Variants in SEMA4D observed in about 807,000 individuals in gnomAD.
SEMA4D encodes the protein semaphorin-4D.
Under a neutral mutation model 74.8 loss-of-function variants are expected in SEMA4D, and 22 were observed. That is an observed-to-expected ratio of 0.29 (90% CI 0.21 to 0.42). The LOEUF is 0.42. Among genes scored for constraint, SEMA4D ranks in the 10% least tolerant of loss-of-function variants. The pLI is 1.00. For synonymous variants in SEMA4D, 445 were observed against 463.7 expected (o/e 0.96, Z 0.52); for missense variants, 937 against 1,118.4 (o/e 0.84, Z 2.31).
Position 89,464,847 on chromosome 9 carries a change from G to A in SEMA4D, c.-309-8894C>T, listed in dbSNP as rs115995027. 3.9e-3 allele frequency among the ~76,000 whole-genome samples: 598 copies of A among 152,320 alleles called. 3 individuals are homozygous for A. The highest frequency in any genetic ancestry group is 0.013 in the African/African-American group (558 of 41,562). ...GGGGTGTGGGGGGAGGGTGCGGAGA[G>A]CACCCCCAGGGCGAGGGTCCTGCTC... is the stretch of plus-strand genomic sequence containing the variant. On this transcript the variant is annotated intron_variant, in intron 1 of 15. Transcript: ENST00000422704.
chr9:89,379,362 A>G lies in SEMA4D; in HGVS notation c.1931T>C (p.Leu644Pro). ...TVFQVVAKHV[L>P]EVKVVPKPVV... is the part of the protein sequence containing the mutation. ...GGGCTTTGGAACCACCTTCACTTCC[A>G]GGACGTGCTTGGCGACCACTTGGAA... Residue 644 changes from leucine (L) to proline (P), a missense_variant, in exon 16 of 16, where the codon CTG becomes CCG. Leu to Pro is a moderately conservative substitution (Grantham distance 98). Coordinates refer to ENST00000422704, the MANE Select transcript of SEMA4D (RefSeq NM_001371194.2). The G allele has an allele frequency of 6.2e-7, 1 of 1,614,214 alleles. No homozygotes were observed.
At chr9:89,491,458 T>C (rs1825617946) in intron 1 of SEMA4D, among the ~76,000 whole-genome samples, 1 of 152,098 alleles carries the variant, frequency 6.6e-6, no homozygotes, top group Non-Finnish European at 1.5e-5. Flanking sequence ...TAGTCCCAGC[T>C]ACTCAGGAGG....
chr9:89,418,887 TTTTG>T (rs1442116298), intron 2 of SEMA4D: 1 of 152,218 alleles, frequency 6.6e-6, no homozygotes, highest in Non-Finnish European at 1.5e-5. Flanking sequence ...AGGGTTTCTT[TTTTG>T]TTTGCCTTTT....
intron 16 of SEMA4D, chr9:89,365,525 A>G (rs992865731): frequency 6.6e-6 from 1 of 152,262 alleles, no homozygotes; most frequent in African/African-American, 2.4e-5. Context: ...CCTCGTAAGA[A>G]TTGGTCTTTA....
intron 2 of SEMA4D, among the ~76,000 whole-genome samples, chr9:89,415,613 G>C (rs1321777272): frequency 6.6e-6 from 1 of 152,218 alleles, no homozygotes; most frequent in Non-Finnish European, 1.5e-5. Context: ...AACCATGTGA[G>C]AAGACGCTGT....
At chr9:89,474,580 T>C (rs888039139) in intron 1 of SEMA4D, among the ~76,000 whole-genome samples, 1 of 152,226 alleles carries the variant, frequency 6.6e-6, no homozygotes, top group African/African-American at 2.4e-5. Flanking sequence ...GGGTGATTTT[T>C]GTTTTTTCAG....
At chr9:89,364,728 G>A (rs539163666) in intron 16 of SEMA4D, 88 of 152,824 alleles carry the variant, frequency 5.8e-4, no homozygotes, top group African/African-American at 2.1e-3. Flanking sequence ...GTTGCAACCT[G>A]CCAGGGTGGA....
intron 16 of SEMA4D, chr9:89,365,191 A>G (rs532960653): frequency 6.6e-6 from 1 of 152,572 alleles, no homozygotes; most frequent in East Asian, 1.9e-4. Context: ...CAGAGCGTAC[A>G]GACCCTGGAG....
chr9:89,433,172 G>A (rs1849632425), intron 2 of SEMA4D, among the ~76,000 whole-genome samples: 1 of 152,218 alleles, frequency 6.6e-6, no homozygotes, highest in Non-Finnish European at 1.5e-5. Context: ...TCTATAGCAG[G>A]CTGGAGCACG....
intron 2 of SEMA4D, among the ~76,000 whole-genome samples, chr9:89,446,202 T>C (rs1025724484): frequency 2.0e-5 from 3 of 152,120 alleles, no homozygotes; most frequent in South Asian, 2.1e-4. Context: ...CTCTAGCCTC[T>C]GTGCCCTCTG....
chr9:89,489,882 G>A (rs2136260201), intron 1 of SEMA4D, among the ~76,000 whole-genome samples: 1 of 152,178 alleles, frequency 6.6e-6, no homozygotes, highest in East Asian at 1.9e-4. Context: ...GGAGTGCTAG[G>A]TCATATGGTA....
At chr9:89,477,418 G>C (rs564004125) in intron 1 of SEMA4D, among the ~76,000 whole-genome samples, 4 of 152,256 alleles carry the variant, frequency 2.6e-5, no homozygotes, top group South Asian at 2.1e-4. Context: ...TCAATGCCTT[G>C]ACAAGAGTAA....
chr9:89,497,178 G>GT (rs907442372), intron 1 of SEMA4D, among the ~76,000 whole-genome samples: 11 of 152,286 alleles, frequency 7.2e-5, no homozygotes, highest in Admixed American at 2.0e-4. Flanking sequence ...TCCTTTACAC[G>GT]TTTTTACTGG....
chr9:89,459,281 G>A (rs563194422), intron 1 of SEMA4D, among the ~76,000 whole-genome samples: 2 of 152,300 alleles, frequency 1.3e-5, no homozygotes, highest in Admixed American at 1.3e-4. Flanking sequence ...TTTCTAATGG[G>A]CCCTCAGGTG....
intron 16 of SEMA4D, among the ~76,000 whole-genome samples, chr9:89,366,952 A>AAT (rs1833766906): frequency 6.6e-6 from 1 of 152,094 alleles, no homozygotes; most frequent in Admixed American, 6.6e-5. Context: ...TGGATTAATC[A>AAT]CCCAACGCCC....
chr9:89,374,440 G>A (rs4877076), downstream of SEMA4D, among the ~76,000 whole-genome samples: 8,466 of 152,262 alleles, frequency 0.056, 415 homozygotes, highest in East Asian at 0.15. Context: ...GCAGTGTGGC[G>A]GGCAGGGAGA....
At chr9:89,415,042 C>T (rs1018605364) in intron 2 of SEMA4D, among the ~76,000 whole-genome samples, 1 of 152,226 alleles carries the variant, frequency 6.6e-6, no homozygotes, top group African/African-American at 2.4e-5. Flanking sequence ...CGCAGAGTGG[C>T]GGCACGAACA....
intron 16 of SEMA4D, among the ~76,000 whole-genome samples, chr9:89,366,483 C>G (rs1240525213): frequency 6.6e-6 from 1 of 152,148 alleles, no homozygotes; most frequent in African/African-American, 2.4e-5. Context: ...TGGACAAGCC[C>G]TTGTGAACAG....
Position 89,450,382 on chromosome 9 carries a change from C to A in SEMA4D, c.-244+5506G>T, listed in dbSNP as rs906711020. On this transcript the variant is annotated intron_variant, in intron 2 of 15. Transcript: ENST00000422704. ...AGTGACATGAAAAGGCGTTTTGATG[C>A]CATGCCATTTACTTCAAGAGCATGT... 24 of 1,090,900 alleles carry A rather than the reference C, an allele frequency of 2.2e-5. No homozygotes were observed. The African/African-American group carries it at 3.2e-4, about 15-fold the overall frequency. The allele number at this position is 1,090,900 out of a possible 1,614,324, so 67.6% of individuals were successfully genotyped here.
Sources: gnomAD v4.1 joint callset for allele counts (sites outside exome capture counted in the v4.1 genomes callset) on GRCh38, gnomAD v4.1.1 for gene constraint, MANE v1.5 for transcripts, NCBI Gene and HGNC (gene_info 2026-07-23, HGNC 2026-07-21) for gene names.